Variants in VWCE observed in about 807,000 individuals in gnomAD.
The protein encoded by VWCE is von Willebrand factor C and EGF domains.
In VWCE, 68 loss-of-function variants were observed where a neutral mutation model predicts 102.9. The ratio of observed to expected loss-of-function variants is 0.66; its 90% confidence interval spans 0.54 to 0.81. The LOEUF is 0.81. VWCE is among the 30% of genes least tolerant of loss of function. VWCE has a pLI of 0.00. For synonymous variants in VWCE, 497 were observed against 515.4 expected, an observed-to-expected ratio of 0.96 and a Z score of 0.48; for missense variants, 1,137 against 1,263.6, an observed-to-expected ratio of 0.90 and a Z score of 1.52.
chr11:61,295,041 CG>C lies in VWCE; in HGVS notation c.-5del. The C allele has an allele frequency of 7.3e-7, 1 of 1,364,850 alleles. No homozygotes were observed. The highest frequency in any genetic ancestry group is 1.6e-5 in the South Asian group (1 of 60,756). The allele number at this position is 1,364,850 out of a possible 1,614,324, so 84.5% of individuals were successfully genotyped here. A position where few individuals can be genotyped will look rare whatever the true frequency, so the allele number is the denominator to read the frequency against. The stretch of plus-strand genomic sequence containing the variant: ...GAAGGAGCAGTCCGGCCCACATGAC[CG>C]GCGGCGGCGGGTCCCCCGGGCTGGG... On this transcript the variant is annotated 5_prime_UTR_variant, in exon 1 of 20. Transcript: ENST00000335613. This position sits in a 1 kb window ranked among gnomAD's most constrained non-coding sequence, Gnocchi z 4.6.
chr11:61,292,216 G>A (rs1590662939), intron 1 of VWCE, among the ~76,000 whole-genome samples: 1 of 148,662 alleles, frequency 6.7e-6, no homozygotes, highest in Non-Finnish European at 1.5e-5. Flanking sequence ...GAGCCAGACC[G>A]TCTCAAAACA....
At chr11:61,264,162 C>G (rs1176859436) in intron 19 of VWCE, among the ~76,000 whole-genome samples, 1 of 131,488 alleles carries the variant, frequency 7.6e-6, no homozygotes, top group African/African-American at 2.9e-5. Flanking sequence ...GGAGGCGGAG[C>G]TTGCAGTGAG....
chr11:61,292,253 A>T (rs1349331245), intron 1 of VWCE, among the ~76,000 whole-genome samples: 1 of 151,120 alleles, frequency 6.6e-6, no homozygotes, highest in Non-Finnish European at 1.5e-5. Flanking sequence ...AGAGAGAAAG[A>T]TTCTTCCTCA....
Position 61,273,298 on chromosome 11 carries a change from A to C in VWCE, c.1600T>G (p.Ser534Ala), listed in dbSNP as rs1202036061. ...CVCQNGEVECSFMPCPELACP... is the reference protein window; with the variant it reads ...CVCQNGEVECAFMPCPELACP... ...GCCAGCTCAGGGCAGGGCATGAAGG[A>C]GCACTCCACCTCCCCATTCTGGAAG... Residue 534 changes from serine (S) to alanine (A), a missense_variant, in exon 13 of 20, where the codon TCC becomes GCC. Coordinates refer to ENST00000335613, the MANE Select transcript of VWCE (RefSeq NM_152718.2). 6.2e-7 allele frequency: 1 copy of C among 1,612,388 alleles called. No homozygotes were observed. The highest frequency in any genetic ancestry group is 8.5e-7 in the Non-Finnish European group (1 of 1,179,126).
intron 2 of VWCE, 27 bp downstream of exon 2, chr11:61,291,455 A>C: frequency 7.0e-6 from 11 of 1,560,428 alleles, no homozygotes; most frequent in Non-Finnish European, 8.7e-6. Flanking sequence ...GGAGGAGAAG[A>C]CTTGGGGCAC....
intron 5 of VWCE, among the ~76,000 whole-genome samples, chr11:61,284,613 T>TG (rs1565228606): frequency 6.6e-6 from 1 of 152,134 alleles, no homozygotes; most frequent in South Asian, 2.1e-4. Context: ...CATGAGGTCA[T>TG]GAGGGTGTGC....
At chr11:61,292,448 T>C (rs1230840534) in intron 1 of VWCE, among the ~76,000 whole-genome samples, 1 of 152,206 alleles carries the variant, frequency 6.6e-6, no homozygotes, top group Non-Finnish European at 1.5e-5. Flanking sequence ...GGGTTTCTTA[T>C]CTATTTACCC....
In VWCE at chr11:61,278,442, C is replaced by T. The variant is rs138104255; in HGVS notation, c.1359G>A (p.Gly453=). ...CFHSGVVRAE[G]DVFSPPNENC... ...TCTCATTGGGAGGTGAAAACACATC[C>T]CCTTCAGCTCGGACGACACCACTGT... is the stretch of plus-strand genomic sequence containing the variant. The change falls in exon 10 of 20, where the codon GGG becomes GGA. Residue 453 remains glycine, a synonymous_variant. Transcript: ENST00000335613. 31 of 1,614,146 alleles carry T rather than the reference C, an allele frequency of 1.9e-5. No individual in the cohort carries two copies. In the African/African-American group the frequency reaches 3.3e-4, roughly 17 times the overall value.
chr11:61,284,719 G>A (rs1265425732), intron 5 of VWCE, among the ~76,000 whole-genome samples: 7 of 152,182 alleles, frequency 4.6e-5, no homozygotes, highest in Admixed American at 2.0e-4. Flanking sequence ...AGGCCAAGGC[G>A]GGCAGATCAT....
chr11:61,276,630 C>G lies in VWCE; in HGVS notation c.1458G>C (p.Gln486His), dbSNP rs55845050. The G allele has an allele frequency of 1.2e-6, 2 of 1,606,126 alleles. No homozygotes were observed. Among genetic ancestry groups the G allele is most frequent in the African/African-American group, 2.7e-5 (2 of 74,006 alleles). Residue 486 changes from glutamine to histidine, a missense_variant, in exon 11 of 20, where the codon CAG (glutamine) becomes CAC (histidine). Gln to His is a conservative substitution (Grantham distance 24). Around this residue, in one of 5 missense-constraint regions of VWCE, gnomAD observed 212 missense variants for 235.1 expected, o/e 0.90. Transcript: ENST00000335613. ...ISPECPSGPC[Q>H]TPPQTDCCTC... is the part of the protein sequence containing the mutation. ...TACAGCAATCCGTCTGTGGGGGGGTCTGACAGGGGCCAGAAGGACACTCAG... is the reference window on the plus strand; with the variant it reads ...TACAGCAATCCGTCTGTGGGGGGGTGTGACAGGGGCCAGAAGGACACTCAG...
At chr11:61,267,353 A>G (rs2134748433) in intron 16 of VWCE, 109 bp downstream of exon 16, 1 of 1,119,448 alleles carries the variant, frequency 8.9e-7, no homozygotes, top group South Asian at 1.3e-5. Context: ...CATGAACCAG[A>G]AGCATCCCTT....
chr11:61,289,334 T>C (rs970373797), intron 4 of VWCE, among the ~76,000 whole-genome samples: 1 of 151,548 alleles, frequency 6.6e-6, no homozygotes, highest in Non-Finnish European at 1.5e-5. Context: ...CACTGCAACC[T>C]CCACCTGCTG....
At chr11:61,265,288 T>A in intron 16 of VWCE, 76 bp from the exon 17 acceptor site, 1 of 1,283,840 alleles carries the variant, frequency 7.8e-7, no homozygotes, top group Non-Finnish European at 1.1e-6. Context: ...GCCGCTCCTA[T>A]AGCCACTGAG....
chr11:61,283,493 T>C (rs1855212513), intron 5 of VWCE, among the ~76,000 whole-genome samples: 1 of 152,170 alleles, frequency 6.6e-6, no homozygotes, highest in African/African-American at 2.4e-5. Flanking sequence ...CTCACTGCGG[T>C]CTCCATCTCC....
chr11:61,270,997 C>T (rs1191809967), intron 14 of VWCE, among the ~76,000 whole-genome samples: 1 of 151,970 alleles, frequency 6.6e-6, no homozygotes, highest in Non-Finnish European at 1.5e-5. Flanking sequence ...GGGCATGTCA[C>T]TACATGCAGC....
intron 5 of VWCE, among the ~76,000 whole-genome samples, chr11:61,285,066 C>T (rs1855271904): frequency 6.6e-6 from 1 of 152,078 alleles, no homozygotes; most frequent in African/African-American, 2.4e-5. Flanking sequence ...CTGAATTAGC[C>T]AGTGCCTTAA....
Position 61,281,775 on chromosome 11 carries a change from C to T in VWCE, c.787+11G>A. On this transcript the variant is annotated intron_variant, in intron 7 of 19. Coordinates refer to ENST00000335613, the MANE Select transcript of VWCE (RefSeq NM_152718.2). The stretch of plus-strand genomic sequence containing the variant: ...TGGCCAGCCGCCGGGATGGAGGGGC[C>T]TGGCGCTCACCTTCACAGGACACGC... 1 of 1,606,564 alleles carries T rather than the reference C, an allele frequency of 6.2e-7. No homozygotes were observed. The highest frequency in any genetic ancestry group is 1.1e-5 in the South Asian group (1 of 90,280).
At chr11:61,290,722 C>A (rs1013201373) in intron 4 of VWCE, 77 bp downstream of exon 4, 19 of 1,516,158 alleles carry the variant, frequency 1.3e-5, no homozygotes, top group African/African-American at 2.7e-5. Flanking sequence ...ACACTGGAGA[C>A]CATCCTGGCA....
chr11:61,294,918 G>C lies in VWCE; in HGVS notation c.110+10C>G, dbSNP rs762738662. On this transcript the variant is annotated intron_variant, in intron 1 of 19. Transcript: ENST00000335613. The surrounding 1 kb of genome is among the most constrained non-coding windows in gnomAD (Gnocchi z 6.3). The stretch of plus-strand genomic sequence containing the variant: ...GGGCGGGGGAGCGGGGAGGAGCTCC[G>C]GGCGCTTACCTCTCGGCCGCGAAGT... 2 of 1,398,024 alleles carry C rather than the reference G, an allele frequency of 1.4e-6. No homozygotes were observed. The highest frequency in any genetic ancestry group is 3.0e-5 in the African/African-American group (2 of 66,690). 86.6% of individuals were successfully genotyped at this position (1,398,024 alleles called of 1,614,324 possible). A position where few individuals can be genotyped will look rare whatever the true frequency, so the allele number is the denominator to read the frequency against.
Sources: allele counts gnomAD v4.1 joint callset (sites outside exome capture counted in the v4.1 genomes callset), GRCh38; gene constraint gnomAD v4.1.1; regional missense constraint gnomAD v4.1.1; non-coding constraint Gnocchi (gnomAD v3.1); transcripts MANE v1.5; gene names NCBI Gene and HGNC (gene_info 2026-07-23, HGNC 2026-07-21).